The following ANKHD1 variants were observed in gnomAD, a reference collection of about 807,000 sequenced individuals.
ANKHD1 encodes ankyrin repeat and KH domain containing 1, also known as ankyrin repeat and KH domain-containing protein 1.
ANKHD1 carries 31 observed loss-of-function variants against 230.5 expected under a neutral mutation model. The ratio of observed to expected loss-of-function variants is 0.13; its 90% CI spans 0.10 to 0.18. The LOEUF (loss-of-function observed/expected upper bound fraction) is 0.18, where lower values mean the gene tolerates loss of function less well. Among genes scored for constraint, ANKHD1 ranks in the 10% least tolerant of loss-of-function variants. ANKHD1 has a pLI of 1.00. For missense variants in ANKHD1, 2,256 were observed against 3,071.3 expected (o/e 0.73, Z 6.27); for synonymous variants, 1,074 against 1,117.6 (o/e 0.96, Z 0.78).
chr5:140,485,555 T>G lies in ANKHD1; in HGVS notation c.1999-34T>G. On this transcript the variant is annotated intron_variant, in intron 12 of 33. Transcript: ENST00000360839. This position sits in a 1 kb window ranked among gnomAD's most constrained non-coding sequence, Gnocchi z 4.8. Reference sequence around the variant, plus strand: ...TTTTATATGAGCTGCTAAGAAACTATAAAGAATTAATTATCATGGCAATTC... The same window carrying G: ...TTTTATATGAGCTGCTAAGAAACTAGAAAGAATTAATTATCATGGCAATTC... 6.2e-7 allele frequency: 1 copy of G among 1,610,488 alleles called. No individual in the cohort carries two copies. The highest frequency in any genetic ancestry group is 1.7e-4 in the Middle Eastern group (1 of 6,038).
intron 1 of ANKHD1, among the ~76,000 whole-genome samples, chr5:140,435,773 G>A (rs1300646110): frequency 6.6e-6 from 1 of 151,966 alleles, no homozygotes; most frequent in Admixed American, 6.6e-5. Context: ...GAGCTCAAGC[G>A]ATCTGCCTGT....
intron 14 of ANKHD1, among the ~76,000 whole-genome samples, chr5:140,487,325 G>A (rs1751555155): frequency 6.6e-6 from 1 of 152,112 alleles, no homozygotes; most frequent in Non-Finnish European, 1.5e-5. Flanking sequence ...CCAAGTTCTT[G>A]ATTATATTTA....
Position 140,535,379 on chromosome 5 carries a change from C to A in ANKHD1, c.6868C>A (p.Pro2290Thr). ...TATTTCAGGGTTACCATCCATTGAC[C>A]CATCAGGCAGCTCCCCATCTTCCTC... ...TSPVGLPSID[P>T]SGSSPSSSSA... Residue 2290 changes from proline (P) to threonine (T), a missense_variant, in exon 30 of 34, where the codon CCA becomes ACA. Physicochemically the swap from Pro to Thr is conservative, Grantham distance 38 (BLOSUM62 -1). Coordinates refer to ENST00000360839, the MANE Select transcript of ANKHD1 (RefSeq NM_017747.3). 3 of 1,608,242 alleles carry A rather than the reference C, an allele frequency of 1.9e-6. No individual in the cohort carries two copies. The highest frequency in any genetic ancestry group is 2.5e-6 in the Non-Finnish European group (3 of 1,177,938).
intron 10 of ANKHD1, among the ~76,000 whole-genome samples, chr5:140,474,988 A>G (rs1220984448): frequency 6.6e-6 from 1 of 152,036 alleles, no homozygotes; most frequent in Non-Finnish European, 1.5e-5. Context: ...TTTTAACTTT[A>G]CTACTTAAAA....
chr5:140,440,365 G>C, intron 4 of ANKHD1, 99 bp downstream of exon 4: 1 of 1,424,616 alleles, frequency 7.0e-7, no homozygotes. Flanking sequence ...AGAGGCCAGA[G>C]TCTTCTCTTC....
intron 30 of ANKHD1, among the ~76,000 whole-genome samples, chr5:140,536,403 A>G (rs185649952): frequency 6.6e-6 from 1 of 152,264 alleles, no homozygotes; most frequent in East Asian, 1.9e-4. Context: ...CCTTTGTTCT[A>G]TTTATTTCAA....
rs1046695977 is a variant in ANKHD1 at position 140,506,413 on chromosome 5, G to A, written c.3409-422G>A. 3.3e-5 allele frequency among the ~76,000 whole-genome samples: 5 copies of A among 152,048 alleles called. No homozygotes were observed. Among genetic ancestry groups the A allele is most frequent in the African/African-American group, 9.7e-5 (4 of 41,406 alleles). ...TGGCCTCAAGGGATCCTCCTGCCTT[G>A]GCCTCCCAAAGTGCTGGGATTATAG... On this transcript the variant is annotated intron_variant, in intron 18 of 33. Coordinates refer to ENST00000360839, the MANE Select transcript of ANKHD1 (RefSeq NM_017747.3). This position sits in a 1 kb window ranked among gnomAD's most constrained non-coding sequence, Gnocchi z 4.7.
intron 1 of ANKHD1, among the ~76,000 whole-genome samples, chr5:140,429,465 T>G (rs1287351430): frequency 6.6e-6 from 1 of 152,164 alleles, no homozygotes; most frequent in Non-Finnish European, 1.5e-5. Flanking sequence ...TAACTCAAAA[T>G]ATAAATTTAT....
intron 6 of ANKHD1, 22 bp downstream of exon 6, chr5:140,445,997 A>G: frequency 6.5e-7 from 1 of 1,542,996 alleles, no homozygotes; most frequent in East Asian, 2.3e-5. Flanking sequence ...ATGTATGAAT[A>G]TTTATAATGT....
chr5:140,411,497 G>GT (rs528063904), intron 1 of ANKHD1, among the ~76,000 whole-genome samples: 3,497 of 123,404 alleles, frequency 0.028, 74 homozygotes, highest in Admixed American at 0.063. Flanking sequence ...TGTTGGAAAA[G>GT]TTTTTTTTTT....
At position 140,485,688 on chromosome 5, in the gene ANKHD1, A is replaced by G; in HGVS notation, c.2098A>G (p.Thr700Ala). The part of the protein sequence containing the change: ...YPNNVLSVPT[T>A]DVSQLPPPSQ... ...AAATAATGTTCTGTCAGTTCCCACC[A>G]CAGATGTGTCTCAGCTCCCTCCACC... Residue 700 changes from threonine (T) to alanine (A), a missense_variant, in exon 13 of 34, where the codon ACA (threonine) becomes GCA (alanine). Physicochemically the swap from Thr to Ala is moderately conservative, Grantham distance 58 (BLOSUM62 0). This residue lies in a region of ANKHD1 where 358 missense variants were observed against 397.7 expected (regional missense o/e 0.90). Transcript: ENST00000360839. The surrounding 1 kb of genome is among the most constrained non-coding windows in gnomAD (Gnocchi z 4.8). The G allele has an allele frequency of 6.2e-7, 1 of 1,614,064 alleles. No homozygotes were observed. Among genetic ancestry groups the G allele is most frequent in the Non-Finnish European group, 8.5e-7 (1 of 1,179,972 alleles).
chr5:140,487,525 T>C (rs1751564861), intron 14 of ANKHD1, among the ~76,000 whole-genome samples: 1 of 152,230 alleles, frequency 6.6e-6, no homozygotes, highest in Admixed American at 6.5e-5. Flanking sequence ...TAGATTATCA[T>C]CTGTCACTAT....
chr5:140,515,962 C>T (rs1752985284), intron 24 of ANKHD1, among the ~76,000 whole-genome samples: 1 of 152,168 alleles, frequency 6.6e-6, no homozygotes, highest in African/African-American at 2.4e-5. Context: ...CTTTGACGAG[C>T]TGAGAGAAGA....
At chr5:140,479,387 A>G (rs969651538) in intron 10 of ANKHD1, among the ~76,000 whole-genome samples, 2 of 152,180 alleles carry the variant, frequency 1.3e-5, no homozygotes, top group Admixed American at 6.6e-5. Flanking sequence ...GTAGCCTTGG[A>G]AAATAATTTT....
At position 140,535,482 on chromosome 5, in the gene ANKHD1, C is replaced by G. The variant is rs1407069221; in HGVS notation, c.6971C>G (p.Pro2324Arg). ...CAAGGGCCAGCTCCTGTTGGGACTC[C>G]TAGTTTCAACAGACAACATTTTTCT... ...FLQGPAPVGT[P>R]SFNRQHFSPH... Residue 2324 changes from proline to arginine, a missense_variant, in exon 30 of 34, where the codon CCT becomes CGT. Around this residue, in one of 13 missense-constraint regions of ANKHD1, gnomAD observed 778 missense variants for 966.5 expected, o/e 0.80. Coordinates refer to ENST00000360839, the MANE Select transcript of ANKHD1 (RefSeq NM_017747.3). 6 of 1,612,850 alleles carry G rather than the reference C, an allele frequency of 3.7e-6. No homozygotes were observed. The highest frequency in any genetic ancestry group is 1.7e-5 in the Admixed American group (1 of 59,698).
At chr5:140,487,168 A>T (rs1751547508) in intron 14 of ANKHD1, 108 bp downstream of exon 14, 1 of 1,175,570 alleles carries the variant, frequency 8.5e-7, no homozygotes, top group Admixed American at 3.3e-5. Flanking sequence ...TGGCTAATTG[A>T]GGTAGATAAT....
At chr5:140,464,625 T>C (rs755885926) in intron 9 of ANKHD1, 42 bp from the exon 10 acceptor site, 14 of 1,478,800 alleles carry the variant, frequency 9.5e-6, no homozygotes, top group African/African-American at 1.4e-5. Flanking sequence ...CTAATACAAT[T>C]TTACAGTTCA....
chr5:140,501,103 T>G (rs1194094074), intron 15 of ANKHD1, among the ~76,000 whole-genome samples: 1 of 150,298 alleles, frequency 6.7e-6, no homozygotes, highest in Non-Finnish European at 1.5e-5. Flanking sequence ...GTTTTTGTTT[T>G]TTTTTTTTTT....
chr5:140,464,362 T>G (rs1333760395), intron 9 of ANKHD1, among the ~76,000 whole-genome samples: 1 of 152,168 alleles, frequency 6.6e-6, no homozygotes, highest in Admixed American at 6.5e-5. Flanking sequence ...AAACCAAAAG[T>G]ACCACCAATA....
Sources: allele counts gnomAD v4.1 joint callset (sites outside exome capture counted in the v4.1 genomes callset), GRCh38; gene constraint gnomAD v4.1.1; regional missense constraint gnomAD v4.1.1; non-coding constraint Gnocchi (gnomAD v3.1); transcripts MANE v1.5; gene names NCBI Gene and HGNC (gene_info 2026-07-23, HGNC 2026-07-21).